The following VPS53 variants were observed in gnomAD, a reference collection of about 807,000 sequenced individuals.
VPS53 encodes the protein vacuolar protein sorting-associated protein 53 homolog.
A neutral mutation model predicts 107.0 loss-of-function variants in VPS53; 70 were observed. That is an observed-to-expected ratio of 0.65 (90% CI 0.54 to 0.80). VPS53 has a LOEUF of 0.80. Ranked by LOEUF, VPS53 falls within the 30% of genes least tolerant of loss-of-function variation. The probability of loss-of-function intolerance (pLI) is 0.00; values close to 1 mark genes in which losing one functional copy is unlikely to be tolerated. For missense variants in VPS53, 917 were observed against 1,049.4 expected (o/e 0.87, Z 1.74); for synonymous variants, 409 against 393.3 (o/e 1.04, Z -0.47).
intron 14 of VPS53, among the ~76,000 whole-genome samples, chr17:561,073 CT>C (rs2151850938): frequency 6.6e-6 from 1 of 152,178 alleles, no homozygotes; most frequent in South Asian, 2.1e-4. Flanking sequence ...AAAGTCTGCA[CT>C]GGGACTCGTG....
intron 13 of VPS53, among the ~76,000 whole-genome samples, chr17:569,327 T>C (rs956793747): frequency 2.6e-5 from 4 of 152,204 alleles, no homozygotes. Context: ...AATAGTAATG[T>C]ACCAATGTTA....
At chr17:662,539 A>AG (rs1971481410) in intron 4 of VPS53, among the ~76,000 whole-genome samples, 1 of 151,840 alleles carries the variant, frequency 6.6e-6, no homozygotes, top group South Asian at 2.1e-4. Context: ...AATACAAAAA[A>AG]CTAGCCAGGC....
chr17:651,427 A>C (rs1420166939), intron 7 of VPS53, among the ~76,000 whole-genome samples: 1 of 152,028 alleles, frequency 6.6e-6, no homozygotes, highest in Non-Finnish European at 1.5e-5. Flanking sequence ...CTGTCTCTAC[A>C]AAAAAGTAAC....
rs937244711 is a variant in VPS53 at position 678,840 on chromosome 17, C to A, written c.286-16945G>T. 5.9e-5 allele frequency among the ~76,000 whole-genome samples: 9 copies of A among 151,936 alleles called. No homozygotes were observed. In the South Asian group the frequency reaches 6.2e-4, roughly 11 times the overall value. On this transcript the variant is annotated intron_variant, in intron 4 of 21. Coordinates refer to ENST00000437048, the MANE Select transcript of VPS53 (RefSeq NM_001128159.3). ...ATTTTTAGTAGAGACGGGGTTTCAC[C>A]GTGTTAGCCAGGATGGTCTCGATCT...
intron 12 of VPS53, among the ~76,000 whole-genome samples, chr17:594,366 G>A (rs1397729276): frequency 6.6e-6 from 1 of 152,380 alleles, no homozygotes; most frequent in South Asian, 2.1e-4. Flanking sequence ...CGCATGGGCT[G>A]GAGGGCAACA....
chr17:658,330 C>A (rs1353710596), intron 5 of VPS53, among the ~76,000 whole-genome samples: 1 of 123,930 alleles, frequency 8.1e-6, no homozygotes. Flanking sequence ...GACACTCGGC[C>A]GTGAGTTCGT....
chr17:571,444 T>C lies in VPS53; in HGVS notation c.1314-8699A>G, dbSNP rs74251922. Among the ~76,000 whole-genome samples, 318 of 152,076 alleles carry C rather than the reference T, an allele frequency of 2.1e-3. 9 individuals are homozygous for C. The East Asian group carries it at 0.055, about 26-fold the overall frequency. On this transcript the variant is annotated intron_variant, in intron 13 of 21. Transcript: ENST00000437048. The stretch of plus-strand genomic sequence containing the variant: ...TTATAATTCTTCTGTAAGCTTGAAA[T>C]TAATTCAAAATAAACAACAATGGGC...
At chr17:550,348 A>G (rs1441707925) in intron 17 of VPS53, among the ~76,000 whole-genome samples, 2 of 152,144 alleles carry the variant, frequency 1.3e-5, no homozygotes, top group East Asian at 1.9e-4. Context: ...AGAGCCTATG[A>G]CTCTAGAGCA....
chr17:524,791 G>A lies in VPS53; in HGVS notation c.2086-3053C>T, dbSNP rs918829365. Among the ~76,000 whole-genome samples the A allele has an allele frequency of 2.6e-5, 4 of 152,198 alleles. No individual in the cohort carries two copies. In the South Asian group the frequency reaches 6.2e-4, roughly 24 times the overall value. On this transcript the variant is annotated intron_variant, in intron 19 of 21. Coordinates refer to ENST00000437048, the MANE Select transcript of VPS53 (RefSeq NM_001128159.3). The surrounding 1 kb of genome is among the most constrained non-coding windows in gnomAD (Gnocchi z 4.5). ...CACCGTAATACACCCATCAGAGTCA[G>A]AAGTAAACAGGTTGATAATCTAGTG...
chr17:596,393 T>A (rs1479452702), intron 12 of VPS53, among the ~76,000 whole-genome samples: 2 of 151,790 alleles, frequency 1.3e-5, no homozygotes, highest in Non-Finnish European at 2.9e-5. Flanking sequence ...CTTGATGACG[T>A]CCCACAGGTC....
At chr17:587,872 T>G (rs1967405039) in intron 12 of VPS53, among the ~76,000 whole-genome samples, 1 of 152,174 alleles carries the variant, frequency 6.6e-6, no homozygotes, top group Non-Finnish European at 1.5e-5. Flanking sequence ...TGATTGACAT[T>G]TTAAAAGCCC....
intron 18 of VPS53, 50 bp downstream of exon 18, chr17:536,978 G>A: frequency 6.2e-7 from 1 of 1,603,308 alleles, no homozygotes; most frequent in South Asian, 1.1e-5. Context: ...AAAACATAAA[G>A]TCTATTAAAA....
At chr17:571,121 C>G (rs920655666) in intron 13 of VPS53, among the ~76,000 whole-genome samples, 2 of 151,604 alleles carry the variant, frequency 1.3e-5, no homozygotes, top group African/African-American at 4.8e-5. Context: ...GAGACCAGCC[C>G]GAGCAACATG....
At chr17:550,171 C>T (rs1911693033) in intron 17 of VPS53, among the ~76,000 whole-genome samples, 1 of 152,122 alleles carries the variant, frequency 6.6e-6, no homozygotes, top group African/African-American at 2.4e-5. Context: ...GGTATGTGGG[C>T]CCAGATGATG....
At chr17:662,877 G>GGAAC (rs1555575960) in intron 4 of VPS53, among the ~76,000 whole-genome samples, 1,414 of 140,714 alleles carry the variant, frequency 0.01, 9 homozygotes, top group Middle Eastern at 0.017. Flanking sequence ...AAGGAACGAA[G>GGAAC]GAAGGAAGGA....
intron 7 of VPS53, among the ~76,000 whole-genome samples, chr17:650,285 A>C (rs893637151): frequency 7.2e-5 from 11 of 152,186 alleles, no homozygotes; most frequent in Non-Finnish European, 1.5e-4. Flanking sequence ...ACTTGAGCCC[A>C]GGAGTTGAAG....
At chr17:684,860 C>T (rs747766755) in intron 4 of VPS53, among the ~76,000 whole-genome samples, 1 of 152,012 alleles carries the variant, frequency 6.6e-6, no homozygotes, top group African/African-American at 2.4e-5. Context: ...TGGTGGCTCA[C>T]GCCTGTAATC....
chr17:657,332 T>G (rs879160746), intron 5 of VPS53: 4 of 755,902 alleles, frequency 5.3e-6, no homozygotes, highest in Middle Eastern at 2.5e-4. Context: ...CAGCAGGGTA[T>G]GTTATATCAG....
intron 17 of VPS53, 53 bp from the exon 18 acceptor site, chr17:537,229 C>A: frequency 6.3e-7 from 1 of 1,593,498 alleles, no homozygotes. Context: ...AACGGTGTCG[C>A]CTGTTACTGG....
Sources: allele counts gnomAD v4.1 joint callset (sites outside exome capture counted in the v4.1 genomes callset), GRCh38; gene constraint gnomAD v4.1.1; non-coding constraint Gnocchi (gnomAD v3.1); transcripts MANE v1.5; gene names NCBI Gene and HGNC (gene_info 2026-07-23, HGNC 2026-07-21).